ARL14EPL: variants seen among roughly 807,000 people sequenced by gnomAD.
ARL14EPL encodes ARL14 effector protein-like.
Under a neutral mutation model 15.9 loss-of-function variants are expected in ARL14EPL, and 17 were observed. The ratio of observed to expected loss-of-function variants is 1.07; its 90% confidence interval spans 0.73 to 1.60. The LOEUF (loss-of-function observed/expected upper bound fraction) is 1.60. Among genes scored for constraint, ARL14EPL ranks in the 40% most tolerant of loss-of-function variants. The pLI is 0.00. For synonymous variants in ARL14EPL, 78 were observed against 63.8 expected, an observed-to-expected ratio of 1.22 and a Z score of -1.06; for missense variants, 214 against 185.9, an observed-to-expected ratio of 1.15 and a Z score of -0.88.
At chr5:116,053,412 CG>C (rs1422943910) in intron 2 of ARL14EPL, among the ~76,000 whole-genome samples, 1 of 151,842 alleles carries the variant, frequency 6.6e-6, no homozygotes, top group African/African-American at 2.4e-5. Context: ...AAAATGTCCC[CG>C]TATGCCCTAG....
At chr5:116,047,706 C>G (rs930110503) in intron 1 of ARL14EPL, among the ~76,000 whole-genome samples, 3 of 152,182 alleles carry the variant, frequency 2.0e-5, no homozygotes, top group Non-Finnish European at 4.4e-5. Flanking sequence ...TGGAATGGGT[C>G]TTATGACCTA....
chr5:116,053,912 T>C, intron 2 of ARL14EPL, 102 bp from the exon 3 acceptor site: 1 of 961,130 alleles, frequency 1.0e-6, no homozygotes, highest in Non-Finnish European at 1.5e-6. Context: ...ATATATACTT[T>C]CATGCCTTTA....
At chr5:116,056,666 T>A (rs1749525320) in intron 3 of ARL14EPL, among the ~76,000 whole-genome samples, 1 of 152,228 alleles carries the variant, frequency 6.6e-6, no homozygotes, top group Admixed American at 6.5e-5. Context: ...ATCCCATTTG[T>A]CAATTTTGTC....
intron 1 of ARL14EPL, among the ~76,000 whole-genome samples, chr5:116,048,240 C>T (rs1260851878): frequency 6.6e-6 from 1 of 152,126 alleles, no homozygotes; most frequent in East Asian, 1.9e-4. Context: ...TGATTTCACA[C>T]TTTTTGTATC....
rs1016235766 is a variant in ARL14EPL, at chr5:116,059,237, C to G, written c.*290C>G. Reference sequence around the variant, plus strand: ...TCTGCCTTCAAATTAAAACTCTCTTCCCTCTTTGCTGATATCTGAGAAAAT... The same window carrying G: ...TCTGCCTTCAAATTAAAACTCTCTTGCCTCTTTGCTGATATCTGAGAAAAT... On this transcript the variant is annotated 3_prime_UTR_variant, in exon 4 of 4. Coordinates refer to ENST00000686077, the MANE Select transcript of ARL14EPL (RefSeq NM_001195581.2). The G allele has an allele frequency of 3.1e-6, 1 of 320,756 alleles. No individual in the cohort carries two copies. Among genetic ancestry groups the G allele is most frequent in the African/African-American group, 2.1e-5 (1 of 47,556 alleles). The allele number at this position is 320,756 out of a possible 1,614,324, so 19.9% of individuals were successfully genotyped here.
Position 116,051,572 on chromosome 5 carries a change from C to A in ARL14EPL, c.96+11C>A. On this transcript the variant is annotated intron_variant, in intron 2 of 3. Transcript: ENST00000686077. ...GGACAGAAACAACTGGTATGGCACACAGATTCTATGATTCCATGCTACTGG... is the reference window on the plus strand; with the variant it reads ...GGACAGAAACAACTGGTATGGCACAAAGATTCTATGATTCCATGCTACTGG... The A allele has an allele frequency of 6.6e-7, 1 of 1,515,346 alleles. No homozygotes were observed. Among genetic ancestry groups the A allele is most frequent in the South Asian group, 1.2e-5 (1 of 83,446 alleles). The allele number at this position is 1,515,346 out of a possible 1,614,324, so 93.9% of individuals were successfully genotyped here.
At chr5:116,043,074 A>C (rs908547095) in intron 1 of ARL14EPL, among the ~76,000 whole-genome samples, 2 of 152,020 alleles carry the variant, frequency 1.3e-5, no homozygotes, top group African/African-American at 4.8e-5. Context: ...CACAGCTATA[A>C]ACAGTGCTGC....
In ARL14EPL at chr5:116,035,806, G is replaced by A. The variant is rs1046834578; in HGVS notation, c.-10+3301G>A. Among the ~76,000 whole-genome samples, 13 of 152,196 alleles carry A rather than the reference G, an allele frequency of 8.5e-5. No homozygotes were observed. The South Asian group carries it at 1.5e-3, about 17-fold the overall frequency. On this transcript the variant is annotated intron_variant, in intron 1 of 3. Transcript: ENST00000686077. ...TCTGAGGAGGAGGCTCTGGCCAGCT[G>A]CCGCTGGTATCTCTGTGGGGAACAT...
chr5:116,038,543 T>C (rs1159193195), intron 1 of ARL14EPL, among the ~76,000 whole-genome samples: 1 of 152,096 alleles, frequency 6.6e-6, no homozygotes, highest in Non-Finnish European at 1.5e-5. Flanking sequence ...TAAAATATCA[T>C]GCTGAGGACC....
At position 116,058,787 on chromosome 5, in the gene ARL14EPL, G is replaced by A; in HGVS notation, c.299G>A (p.Cys100Tyr). The A allele has an allele frequency of 1.3e-6, 2 of 1,535,938 alleles. No homozygotes were observed. Among genetic ancestry groups the A allele is most frequent in the East Asian group, 2.4e-5 (1 of 40,916 alleles). ...TGTAATGACGCTGATCTGTGTGATT[G>A]TCTAGAGAAGAACTGCCTGGGCTGC... ...LICNDADLCD[C>Y]LEKNCLGCFY... The change falls in exon 4 of 4, where the codon TGT becomes TAT. Residue 100 changes from cysteine to tyrosine, a missense_variant. Cys to Tyr is a radical substitution (Grantham distance 194). Transcript: ENST00000686077.
intron 3 of ARL14EPL, among the ~76,000 whole-genome samples, chr5:116,058,200 G>A (rs1004865087): frequency 6.8e-6 from 1 of 146,134 alleles, no homozygotes; most frequent in African/African-American, 2.5e-5. Context: ...GAGACTGTTA[G>A]CAAAGGTGCT....
chr5:116,039,482 C>A (rs1156968222), intron 1 of ARL14EPL, among the ~76,000 whole-genome samples: 1 of 152,010 alleles, frequency 6.6e-6, no homozygotes, highest in Non-Finnish European at 1.5e-5. Flanking sequence ...TTCTTTGAAA[C>A]AAGTGATCAA....
At position 116,054,833 on chromosome 5, in the gene ARL14EPL, A is replaced by AAAAT. The variant is rs540447274; in HGVS notation, c.236+700_236+703dup. 2.9e-4 allele frequency among the ~76,000 whole-genome samples: 44 copies of AAAAT among 151,934 alleles called. No individual in the cohort carries two copies. The East Asian group carries it at 6.4e-3, about 22-fold the overall frequency. ...ATGACAGAGCAAGACTCCATCTCAA[A>AAAAT]AAATAAATAAATAAATAAATAAAAT... On this transcript the variant is annotated intron_variant, in intron 3 of 3. Transcript: ENST00000686077.
chr5:116,033,062 G>C (rs1013480284), intron 1 of ARL14EPL, among the ~76,000 whole-genome samples: 6 of 152,140 alleles, frequency 3.9e-5, no homozygotes, highest in Admixed American at 6.6e-5. Context: ...GCCTGCCAAA[G>C]TGCTGGGATT....
chr5:116,046,941 A>G (rs1186652283), intron 1 of ARL14EPL, among the ~76,000 whole-genome samples: 2 of 152,154 alleles, frequency 1.3e-5, no homozygotes, highest in African/African-American at 4.8e-5. Context: ...GTCTTGTAAG[A>G]GGAAAACAGC....
Position 116,058,667 on chromosome 5 carries a change from A to G in ARL14EPL, c.237-58A>G, listed in dbSNP as rs1215700261. The G allele has an allele frequency of 5.1e-5, 74 of 1,464,682 alleles. No homozygotes were observed. In the South Asian group the frequency reaches 9.0e-4, roughly 18 times the overall value. 90.7% of individuals were successfully genotyped at this position (1,464,682 alleles called of 1,614,324 possible). ...TATGATGTTGATTGTACATTAATTT[A>G]TTCTCAATGTTGAGGATGATTGCAC... On this transcript the variant is annotated intron_variant, in intron 3 of 3. Transcript: ENST00000686077.
At chr5:116,036,951 A>G (rs1177535050) in intron 1 of ARL14EPL, among the ~76,000 whole-genome samples, 4 of 148,520 alleles carry the variant, frequency 2.7e-5, no homozygotes, top group African/African-American at 7.4e-5. Context: ...TTTGCTTTTT[A>G]TATGTTTTTC....
At position 116,058,901 on chromosome 5, in the gene ARL14EPL, A is replaced by C. The variant is rs1290635850; in HGVS notation, c.413A>C (p.Glu138Ala). 1 of 1,536,082 alleles carries C rather than the reference A, an allele frequency of 6.5e-7. No individual in the cohort carries two copies. Among genetic ancestry groups the C allele is most frequent in the Admixed American group, 2.0e-5 (1 of 50,990 alleles). ...TGGGTTTACGATGCCATCGTCACTG[A>C]GTCAGGAGAGGTCATCAGCACGCTG... ...RRWVYDAIVT[E>A]SGEVISTLPF... The change falls in exon 4 of 4, where the codon GAG becomes GCG. Residue 138 changes from glutamate (E) to alanine (A), a missense_variant. Physicochemically the swap from Glu to Ala is moderately radical, Grantham distance 107. Transcript: ENST00000686077.
At chr5:116,050,427 G>C (rs193163065) in intron 1 of ARL14EPL, among the ~76,000 whole-genome samples, 1 of 152,228 alleles carries the variant, frequency 6.6e-6, no homozygotes, top group Non-Finnish European at 1.5e-5. Context: ...AGATGATCTA[G>C]TTCTTTTTAT....
Sources: allele counts gnomAD v4.1 joint callset (sites outside exome capture counted in the v4.1 genomes callset), GRCh38; gene constraint gnomAD v4.1.1; transcripts MANE v1.5; gene names NCBI Gene and HGNC (gene_info 2026-07-23, HGNC 2026-07-21).